Variants in GABRG1 observed in about 807,000 individuals in gnomAD.
GABRG1 encodes the protein gamma-aminobutyric acid receptor subunit gamma-1.
Under a neutral mutation model 49.8 loss-of-function variants are expected in GABRG1, and 49 were observed. That is an observed-to-expected ratio of 0.98 (90% confidence interval 0.78 to 1.25). GABRG1 has a LOEUF of 1.25. Among genes scored for constraint, GABRG1 ranks in the 50% most tolerant of loss-of-function variants. The pLI is 0.00. For synonymous variants in GABRG1, 232 were observed against 185.1 expected (o/e 1.25, Z -2.06); for missense variants, 552 against 552.3 (o/e 1.00, Z 0.01).
chr4:46,123,134 A>G (rs1721142499), intron 1 of GABRG1, among the ~76,000 whole-genome samples: 1 of 151,114 alleles, frequency 6.6e-6, no homozygotes, highest in Non-Finnish European at 1.5e-5. Context: ...ACACACACAC[A>G]CACACACACA....
chr4:46,110,881 C>T (rs182675983), intron 1 of GABRG1, among the ~76,000 whole-genome samples: 4 of 151,186 alleles, frequency 2.6e-5, no homozygotes, highest in Non-Finnish European at 5.9e-5. Context: ...TGACAAATCA[C>T]AGCCAACATC....
intron 1 of GABRG1, among the ~76,000 whole-genome samples, chr4:46,106,423 GA>G (rs1279511767): frequency 6.6e-6 from 1 of 151,156 alleles, no homozygotes; most frequent in Non-Finnish European, 1.5e-5. Flanking sequence ...AATTTAAAAT[GA>G]AAAAAATCTT....
chr4:46,036,310 A>G lies in GABRG1; in HGVS notation c.*4678T>C, dbSNP rs1717522364. 1.3e-5 allele frequency: 2 copies of G among 151,722 alleles called. No individual in the cohort carries two copies. The highest frequency in any genetic ancestry group is 4.8e-5 in the African/African-American group (2 of 41,382). 9.4% of individuals were successfully genotyped at this position (151,722 alleles called of 1,614,324 possible). ...TATATATATAATTTTATACATATAT[A>G]TATGTATGTATGTCTCAGTTAGAAA... On this transcript the variant is annotated 3_prime_UTR_variant, in exon 9 of 9. Transcript: ENST00000295452.
chr4:46,062,966 G>A (rs79975073), intron 5 of GABRG1, among the ~76,000 whole-genome samples: 73,318 of 148,198 alleles, frequency 0.49, 18,380 homozygotes, highest in African/African-American at 0.61. Context: ...TACAAGGGAC[G>A]TGAAGGACCT....
intron 5 of GABRG1, among the ~76,000 whole-genome samples, chr4:46,061,798 A>C (rs1312336010): frequency 6.8e-6 from 1 of 147,126 alleles, no homozygotes; most frequent in African/African-American, 2.5e-5. Flanking sequence ...TAGAAATAGC[A>C]TAAGTTACCA....
intron 1 of GABRG1, among the ~76,000 whole-genome samples, chr4:46,118,806 A>AT (rs796824940): frequency 2.7e-5 from 4 of 146,516 alleles, no homozygotes; most frequent in African/African-American, 1.1e-4. Flanking sequence ...ATGTTTGAAA[A>AT]TAAAAAAAAC....
At chr4:46,045,526 A>G (rs575279368) in intron 8 of GABRG1, among the ~76,000 whole-genome samples, 31 of 152,136 alleles carry the variant, frequency 2.0e-4, no homozygotes, top group African/African-American at 7.0e-4. Flanking sequence ...ATGAAAGAGG[A>G]CAAAACACAG....
At chr4:46,118,436 A>G (rs546477191) in intron 1 of GABRG1, among the ~76,000 whole-genome samples, 1 of 150,992 alleles carries the variant, frequency 6.6e-6, no homozygotes, top group East Asian at 2.0e-4. Flanking sequence ...AGTAGCAATT[A>G]CAGCATTTTA....
In GABRG1 at chr4:46,106,707, G is replaced by T. The variant is rs868001085; in HGVS notation, c.105-9358C>A. ...CTCTCACCTAACACCTCCTTTCCTTGTAACATATCCTGACTTTAGAAACAG... is the reference window on the plus strand; with the variant it reads ...CTCTCACCTAACACCTCCTTTCCTTTTAACATATCCTGACTTTAGAAACAG... On this transcript the variant is annotated intron_variant, in intron 1 of 8. Coordinates refer to ENST00000295452, the MANE Select transcript of GABRG1 (RefSeq NM_173536.4). Among the ~76,000 whole-genome samples the T allele has an allele frequency of 6.6e-5, 10 of 151,258 alleles. 1 individual carries two copies. In the Middle Eastern group the frequency reaches 0.02, roughly 309 times the overall value.
chr4:46,047,642 ATGTTTTTATAAAAAATAAAAATAT>A (rs1431339549), intron 8 of GABRG1, among the ~76,000 whole-genome samples: 1 of 151,922 alleles, frequency 6.6e-6, no homozygotes, highest in Non-Finnish European at 1.5e-5. Flanking sequence ...AATACATTTT[ATGTTTTTATAAAAAATAAAAATAT>A]TGTTATTTAA....
intron 3 of GABRG1, among the ~76,000 whole-genome samples, chr4:46,080,492 T>C (rs1374537040): frequency 6.6e-6 from 1 of 151,882 alleles, no homozygotes; most frequent in Non-Finnish European, 1.5e-5. Flanking sequence ...TTTCACCTGT[T>C]TTAGTATCAC....
chr4:46,043,893 A>T (rs1486140543), intron 8 of GABRG1, among the ~76,000 whole-genome samples: 3 of 151,934 alleles, frequency 2.0e-5, no homozygotes, highest in Non-Finnish European at 4.4e-5. Context: ...ACTAATATCA[A>T]ATAAATGGGA....
rs77362521 is a variant in GABRG1, at chr4:46,111,266, C to T, written c.104+12544G>A. Reference sequence around the variant, plus strand: ...ATTTACAATAGCCACAAAAATAATACCTAGGAAAACATGTAACCAAGGAGC... The same window carrying T: ...ATTTACAATAGCCACAAAAATAATATCTAGGAAAACATGTAACCAAGGAGC... On this transcript the variant is annotated intron_variant, in intron 1 of 8. Coordinates refer to ENST00000295452, the MANE Select transcript of GABRG1 (RefSeq NM_173536.4). Among the ~76,000 whole-genome samples the T allele has an allele frequency of 1.3e-4, 20 of 150,822 alleles. No homozygotes were observed. In the East Asian group the frequency reaches 1.6e-3, roughly 12 times the overall value.
chr4:46,056,717 A>C (rs1396938446), intron 7 of GABRG1, among the ~76,000 whole-genome samples: 2 of 152,130 alleles, frequency 1.3e-5, no homozygotes, highest in African/African-American at 4.8e-5. Flanking sequence ...AAAGCATTGG[A>C]TACATTGTAG....
chr4:46,052,823 G>A (rs913646934), intron 7 of GABRG1, among the ~76,000 whole-genome samples: 2 of 151,756 alleles, frequency 1.3e-5, no homozygotes, highest in East Asian at 3.9e-4. Context: ...AGTCTCTTTG[G>A]TATAGTGAAG....
chr4:46,093,069 T>TAAAAAA (rs10627690), intron 2 of GABRG1, among the ~76,000 whole-genome samples: 1 of 122,266 alleles, frequency 8.2e-6, no homozygotes, highest in East Asian at 2.4e-4. Flanking sequence ...AACTCCATCT[T>TAAAAAA]AAAAAAAAAA....
chr4:46,078,238 C>T (rs1025751551), intron 3 of GABRG1, among the ~76,000 whole-genome samples: 3 of 151,840 alleles, frequency 2.0e-5, no homozygotes, highest in Non-Finnish European at 2.9e-5. Context: ...AGACTAATAC[C>T]TTTTTCTTCC....
chr4:46,050,639 G>A (rs138795394), intron 8 of GABRG1, among the ~76,000 whole-genome samples: 1 of 151,822 alleles, frequency 6.6e-6, no homozygotes, highest in African/African-American at 2.4e-5. Flanking sequence ...GTGAGAACAG[G>A]ATATATAAAG....
chr4:46,081,881 C>A (rs1017014129), intron 3 of GABRG1, among the ~76,000 whole-genome samples: 2 of 151,782 alleles, frequency 1.3e-5, no homozygotes, highest in African/African-American at 4.8e-5. Context: ...AGAGAAAAGA[C>A]CATGTAAGGA....
Sources: allele counts gnomAD v4.1 joint callset (sites outside exome capture counted in the v4.1 genomes callset), GRCh38; gene constraint gnomAD v4.1.1; transcripts MANE v1.5; gene names NCBI Gene and HGNC (gene_info 2026-07-23, HGNC 2026-07-21).